The following GPR107 variants were observed in gnomAD, a reference collection of about 807,000 sequenced individuals.
GPR107 encodes G protein-coupled receptor 107.
A neutral mutation model predicts 75.5 loss-of-function variants in GPR107; 31 were observed. That is an observed-to-expected ratio of 0.41 (90% CI 0.31 to 0.55). The LOEUF (loss-of-function observed/expected upper bound fraction) is 0.55, where lower values mean the gene tolerates loss of function less well. Ranked by LOEUF, GPR107 falls within the 20% of genes least tolerant of loss-of-function variation. The probability of loss-of-function intolerance (pLI) is 0.26; values close to 1 mark genes in which losing one functional copy is unlikely to be tolerated. For synonymous variants in GPR107, 267 were observed against 251.3 expected, an observed-to-expected ratio of 1.06 and a Z score of -0.59; for missense variants, 572 against 665.7, an observed-to-expected ratio of 0.86 and a Z score of 1.55.
At chr9:130,107,891 G>T (rs570644973) in intron 14 of GPR107, among the ~76,000 whole-genome samples, 1 of 152,194 alleles carries the variant, frequency 6.6e-6, no homozygotes, top group Non-Finnish European at 1.5e-5. Flanking sequence ...AGGGATAATG[G>T]ATTGGAGATG....
chr9:130,110,486 T>C, intron 14 of GPR107: 1 of 829,782 alleles, frequency 1.2e-6, no homozygotes, highest in Non-Finnish European at 2.1e-6. Flanking sequence ...AGCACCCATT[T>C]CTCATCAGCA....
chr9:130,055,150 T>G (rs769134679), intron 1 of GPR107, among the ~76,000 whole-genome samples: 1 of 152,140 alleles, frequency 6.6e-6, no homozygotes, highest in Non-Finnish European at 1.5e-5. Context: ...GTACATTATT[T>G]TCATACCATA....
chr9:130,131,401 T>G (rs1214099692), intron 17 of GPR107, among the ~76,000 whole-genome samples: 1 of 152,070 alleles, frequency 6.6e-6, no homozygotes, highest in Non-Finnish European at 1.5e-5. Flanking sequence ...CTTCCTCTCC[T>G]TGAGTTCACT....
At chr9:130,059,604 TATA>T (rs139780366) in intron 1 of GPR107, among the ~76,000 whole-genome samples, 2,935 of 152,286 alleles carry the variant, frequency 0.019, 96 homozygotes, top group African/African-American at 0.067. Context: ...ACAATGCTAT[TATA>T]ACAAAAAAAT....
intron 17 of GPR107, among the ~76,000 whole-genome samples, chr9:130,133,899 C>G (rs1588089622): frequency 6.6e-6 from 1 of 152,206 alleles, no homozygotes; most frequent in East Asian, 1.9e-4. Context: ...AAGTTTTCTT[C>G]CCTTACCCCA....
At chr9:130,111,135 G>A (rs1831289422) in intron 14 of GPR107, among the ~76,000 whole-genome samples, 1 of 152,072 alleles carries the variant, frequency 6.6e-6, no homozygotes, top group African/African-American at 2.4e-5. Context: ...GGCATTACAG[G>A]TGTGAGCCAC....
chr9:130,114,471 C>T (rs1564680378), intron 14 of GPR107: 2 of 320,070 alleles, frequency 6.2e-6, no homozygotes, highest in Non-Finnish European at 1.2e-5. Flanking sequence ...TAACCTCAAA[C>T]TCCTAGGCTC....
Position 130,101,143 on chromosome 9 carries a change from A to G in GPR107, c.1051A>G (p.Ile351Val), listed in dbSNP as rs750322917. ...GALLFITIALIGTGWAFIKHI... is the reference protein window; with the variant it reads ...GALLFITIALVGTGWAFIKHI... ...GCTACTCTTCATCACCATTGCACTC[A>G]TTGGCACTGGCTGGGCTTTCATTAA... Residue 351 changes from isoleucine (I) to valine (V), a missense_variant, in exon 12 of 18, where the codon ATT becomes GTT. Coordinates refer to ENST00000347136, the MANE Select transcript of GPR107 (RefSeq NM_020960.5). The G allele has an allele frequency of 1.2e-6, 2 of 1,610,646 alleles. No homozygotes were observed. Among genetic ancestry groups the G allele is most frequent in the Non-Finnish European group, 1.7e-6 (2 of 1,176,842 alleles).
intron 1 of GPR107, among the ~76,000 whole-genome samples, chr9:130,073,677 A>G (rs771089968): frequency 1.3e-5 from 2 of 152,222 alleles, no homozygotes; most frequent in African/African-American, 2.4e-5. Flanking sequence ...TTGGGGAAAG[A>G]ACAGGGAAGC....
intron 6 of GPR107, among the ~76,000 whole-genome samples, chr9:130,085,754 A>ATTTTGTTTTTTTTTTTTTTTTTT (rs1830598349): frequency 1.3e-5 from 1 of 78,674 alleles, no homozygotes; most frequent in Non-Finnish European, 2.4e-5. Flanking sequence ...CAATATTTTG[A>ATTTTGTTTTTTTTTTTTTTTTTT]TTTTTTTTTT....
At chr9:130,060,402 G>GTTTTTTTTTTTTTTTTTTTTTT (rs11403227) in intron 1 of GPR107, among the ~76,000 whole-genome samples, 1 of 75,906 alleles carries the variant, frequency 1.3e-5, no homozygotes, top group Non-Finnish European at 2.4e-5. Flanking sequence ...GATAATCCGA[G>GTTTTTTTTTTTTTTTTTTTTTT]TTTTTTTTTT....
intron 4 of GPR107, among the ~76,000 whole-genome samples, 154 bp downstream of exon 4, chr9:130,077,532 C>G (rs1275242349): frequency 6.6e-6 from 1 of 152,128 alleles, no homozygotes; most frequent in East Asian, 1.9e-4. Flanking sequence ...AGGTCCTGTC[C>G]TTGATGGGAG....
At chr9:130,116,293 C>T (rs771864536) in intron 14 of GPR107, among the ~76,000 whole-genome samples, 5 of 152,176 alleles carry the variant, frequency 3.3e-5, no homozygotes, top group African/African-American at 4.8e-5. Context: ...CTTCTGCCTA[C>T]TGGTGTTAAC....
chr9:130,087,979 T>C (rs1382839170), intron 7 of GPR107, among the ~76,000 whole-genome samples: 1 of 152,182 alleles, frequency 6.6e-6, no homozygotes, highest in East Asian at 1.9e-4. Flanking sequence ...TTCTGATTTC[T>C]TTTTCCATGG....
At chr9:130,058,742 G>C (rs913814728) in intron 1 of GPR107, among the ~76,000 whole-genome samples, 4 of 152,212 alleles carry the variant, frequency 2.6e-5, no homozygotes, top group African/African-American at 9.6e-5. Flanking sequence ...TGGGATCACA[G>C]GTGTGAGCCA....
chr9:130,130,828 C>T (rs1554898918), intron 17 of GPR107, among the ~76,000 whole-genome samples: 1 of 150,306 alleles, frequency 6.7e-6, no homozygotes, highest in African/African-American at 2.5e-5. Context: ...TGAGATCACG[C>T]CACTGCACTC....
At chr9:130,123,985 G>C (rs768985803) in intron 14 of GPR107, among the ~76,000 whole-genome samples, 77 of 152,100 alleles carry the variant, frequency 5.1e-4, no homozygotes, top group Non-Finnish European at 8.7e-4. Flanking sequence ...TTAGTGCATT[G>C]GGTTTCTCAG....
chr9:130,132,018 A>C (rs1564688312), intron 17 of GPR107, among the ~76,000 whole-genome samples: 1 of 152,136 alleles, frequency 6.6e-6, no homozygotes, highest in African/African-American at 2.4e-5. Context: ...AATAGCTGGG[A>C]CCACAGATGA....
chr9:130,131,568 G>GCCCCCGGC (rs1258374362), intron 17 of GPR107, among the ~76,000 whole-genome samples: 1 of 149,916 alleles, frequency 6.7e-6, no homozygotes, highest in East Asian at 2.0e-4. Flanking sequence ...CCCCCTCACT[G>GCCCCCGGC]CCCCCGGCCC....
Sources: allele counts gnomAD v4.1 joint callset (sites outside exome capture counted in the v4.1 genomes callset), GRCh38; gene constraint gnomAD v4.1.1; transcripts MANE v1.5; gene names NCBI Gene and HGNC (gene_info 2026-07-23, HGNC 2026-07-21).